The following MRC1 variants were observed in gnomAD, a reference collection of about 807,000 sequenced individuals.
MRC1 encodes the protein macrophage mannose receptor 1.
A neutral mutation model predicts 102.9 loss-of-function variants in MRC1; 62 were observed. The observed-to-expected ratio is 0.60, with a 90% CI of 0.49 to 0.74. The LOEUF is 0.74. Ranked by LOEUF, MRC1 falls within the 30% of genes least tolerant of loss-of-function variation. MRC1 has a pLI of 0.00. For missense variants in MRC1, 1,237 were observed against 862.8 expected, an observed-to-expected ratio of 1.43 and a Z score of -5.43; for synonymous variants, 457 against 298.4, an observed-to-expected ratio of 1.53 and a Z score of -5.48.
At chr10:17,908,057 C>T (rs1833919619) in intron 28 of MRC1, among the ~76,000 whole-genome samples, 1 of 152,156 alleles carries the variant, frequency 6.6e-6, no homozygotes, top group African/African-American at 2.4e-5. Flanking sequence ...GACCAGGGTT[C>T]TGGAGAGGGA....
At chr10:17,836,983 A>G (rs1021608410) in intron 4 of MRC1, among the ~76,000 whole-genome samples, 2 of 152,220 alleles carry the variant, frequency 1.3e-5, no homozygotes, top group African/African-American at 4.8e-5. Flanking sequence ...GCCTGGGGAC[A>G]GAGCACAGGT....
intron 5 of MRC1, among the ~76,000 whole-genome samples, chr10:17,843,450 G>A (rs1022309625): frequency 1.1e-3 from 162 of 152,076 alleles, no homozygotes; most frequent in Admixed American, 3.9e-4. Flanking sequence ...GGTGGATCCC[G>A]AGGTCAGGAG....
intron 12 of MRC1, among the ~76,000 whole-genome samples, chr10:17,868,096 C>G (rs1047291276): frequency 6.6e-6 from 1 of 152,116 alleles, no homozygotes; most frequent in African/African-American, 2.4e-5. Context: ...ACAAAAACCC[C>G]AATGAATTAA....
chr10:17,892,863 A>G (rs905135403), intron 22 of MRC1, among the ~76,000 whole-genome samples: 1 of 151,894 alleles, frequency 6.6e-6, no homozygotes, highest in Non-Finnish European at 1.5e-5. Context: ...TACAAAAATT[A>G]GCTGGGCGTG....
intron 4 of MRC1, among the ~76,000 whole-genome samples, chr10:17,834,107 G>T (rs569644189): frequency 6.6e-6 from 1 of 152,294 alleles, no homozygotes; most frequent in African/African-American, 2.4e-5. Context: ...CAGAGTAAAA[G>T]ATGCCACAAT....
chr10:17,868,383 A>G (rs1833308200), intron 12 of MRC1, among the ~76,000 whole-genome samples: 1 of 141,352 alleles, frequency 7.1e-6, no homozygotes, highest in Non-Finnish European at 1.5e-5. Context: ...TTGAGAGTGT[A>G]GGAGAAGCTA....
intron 12 of MRC1, among the ~76,000 whole-genome samples, chr10:17,869,008 G>A (rs1043194151): frequency 2.4e-4 from 37 of 152,266 alleles, no homozygotes; most frequent in African/African-American, 3.6e-4. Context: ...GATGTTAGGC[G>A]ATGGAGATTT....
chr10:17,854,321 T>G (rs1833045462), intron 8 of MRC1, among the ~76,000 whole-genome samples: 2 of 152,220 alleles, frequency 1.3e-5, no homozygotes, highest in Non-Finnish European at 2.9e-5. Context: ...TTCAATAATT[T>G]TTGTCATTGT....
chr10:17,817,726 G>A (rs1665571683), intron 1 of MRC1, among the ~76,000 whole-genome samples: 1 of 152,160 alleles, frequency 6.6e-6, no homozygotes, highest in Non-Finnish European at 1.5e-5. Flanking sequence ...CAGATCGACT[G>A]TGTCGATCTG....
chr10:17,868,633 T>G (rs947568330), intron 12 of MRC1, among the ~76,000 whole-genome samples: 1 of 152,218 alleles, frequency 6.6e-6, no homozygotes, highest in African/African-American at 2.4e-5. Context: ...CTTCTTTTAT[T>G]CAATCTCTTT....
chr10:17,880,380 A>G (rs1247358314), intron 19 of MRC1, 145 bp from the exon 20 acceptor site: 5 of 676,438 alleles, frequency 7.4e-6, no homozygotes, highest in Admixed American at 2.3e-5. Context: ...TATTGCATGG[A>G]TACCTCTAGT....
chr10:17,894,742 T>G (rs1472978076), intron 23 of MRC1, among the ~76,000 whole-genome samples: 1 of 152,134 alleles, frequency 6.6e-6, no homozygotes, highest in Non-Finnish European at 1.5e-5. Flanking sequence ...CCAGGATACA[T>G]GTACAGAACA....
intron 1 of MRC1, among the ~76,000 whole-genome samples, chr10:17,819,013 C>A (rs1218695754): frequency 6.6e-6 from 1 of 152,086 alleles, no homozygotes; most frequent in Non-Finnish European, 1.5e-5. Context: ...TTCCTGGGTA[C>A]AGTGGTTCCC....
chr10:17,903,348 T>C (rs1833853192), intron 26 of MRC1, among the ~76,000 whole-genome samples: 1 of 151,668 alleles, frequency 6.6e-6, no homozygotes, highest in African/African-American at 2.4e-5. Context: ...AGATAATTTC[T>C]TGTGTACCAT....
In MRC1 at chr10:17,823,147, A is replaced by C. The variant is rs1554838380; in HGVS notation, c.135A>C (p.Gln45His). ...CVDAVSPSAV[Q>H]TAACNQDAES... ...ATGCAGTGAGTCCCAGTGCCGTCCA[A>C]ACCGCAGCTTGCAACCAGGATGCCG... The change falls in exon 2 of 30, where the codon CAA becomes CAC. Residue 45 changes from glutamine to histidine, a missense_variant. Transcript: ENST00000569591. The C allele has an allele frequency of 1.3e-6, 1 of 780,880 alleles. No individual in the cohort carries two copies. Among genetic ancestry groups the C allele is most frequent in the East Asian group, 2.4e-5 (1 of 41,254 alleles). 48.4% of individuals were successfully genotyped at this position (780,880 alleles called of 1,614,324 possible).
At chr10:17,817,369 T>G (rs1838329657) in intron 1 of MRC1, among the ~76,000 whole-genome samples, 1 of 152,196 alleles carries the variant, frequency 6.6e-6, no homozygotes, top group South Asian at 2.1e-4. Context: ...ATGTTTAGTC[T>G]TTAATCATTT....
chr10:17,838,866 T>G (rs2130622399), intron 4 of MRC1, among the ~76,000 whole-genome samples: 1 of 152,348 alleles, frequency 6.6e-6, no homozygotes, highest in East Asian at 1.9e-4. Context: ...AACAAAAATT[T>G]AGCATGTGGA....
intron 21 of MRC1, among the ~76,000 whole-genome samples, chr10:17,884,400 A>T (rs1833561183): frequency 6.6e-6 from 1 of 152,194 alleles, no homozygotes; most frequent in South Asian, 2.1e-4. Flanking sequence ...TTGGTTTGGC[A>T]ATCTGAGATA....
Position 17,870,291 on chromosome 10 carries a change from C to G in MRC1, c.2029C>G (p.Arg677Gly). 1.3e-6 allele frequency: 1 copy of G among 780,366 alleles called. No individual in the cohort carries two copies. Among genetic ancestry groups the G allele is most frequent in the East Asian group, 2.4e-5 (1 of 41,220 alleles). The allele number at this position is 780,366 out of a possible 1,614,324, so 48.3% of individuals were successfully genotyped here. A position where few individuals can be genotyped will look rare whatever the true frequency, so the allele number is the denominator to read the frequency against. ...TGAGAAGAAAACGTGGTTTGAATCT[C>G]GAGATTTTTGTCGAGCTCTGGGTGG... is the stretch of plus-strand genomic sequence containing the variant. ...KHEKKTWFES[R>G]DFCRALGGDL... Residue 677 changes from arginine to glycine, a missense_variant, in exon 13 of 30, where the codon CGA becomes GGA. By Grantham distance (125) the Arg-to-Gly change is moderately radical (BLOSUM62 -2). Coordinates refer to ENST00000569591, the MANE Select transcript of MRC1 (RefSeq NM_002438.4).
Sources: gnomAD v4.1 joint callset for allele counts (sites outside exome capture counted in the v4.1 genomes callset) on GRCh38, gnomAD v4.1.1 for gene constraint, MANE v1.5 for transcripts, NCBI Gene and HGNC (gene_info 2026-07-23, HGNC 2026-07-21) for gene names.